The following RALYL variants were observed in gnomAD, a reference collection of about 807,000 sequenced individuals.
The protein encoded by RALYL is RALY RNA binding protein like, also known as RNA-binding Raly-like protein.
RALYL carries 29 observed loss-of-function variants against 35.1 expected under a neutral mutation model. The observed-to-expected ratio is 0.83, with a 90% CI of 0.61 to 1.13. The LOEUF (loss-of-function observed/expected upper bound fraction) is 1.13, where lower values mean the gene tolerates loss of function less well. Among genes scored for constraint, RALYL ranks in the 50% most tolerant of loss-of-function variants. The probability of loss-of-function intolerance (pLI) is 0.00; values close to 1 mark genes in which losing one functional copy is unlikely to be tolerated. For synonymous variants in RALYL, 120 were observed against 127.6 expected (o/e 0.94, Z 0.40); for missense variants, 359 against 360.4 (o/e 1.00, Z 0.03).
rs192766915 is a variant in RALYL at position 84,504,967 on chromosome 8, A to T, written c.-23-24332A>T. ...ATTTTTCTCAACATGTAAGTCACCA[A>T]TGGGGAAGAATTTAAACCATCCATC... On this transcript the variant is annotated intron_variant, in intron 1 of 8. Coordinates refer to ENST00000521268, the MANE Select transcript of RALYL (RefSeq NM_173848.7). 2.0e-5 allele frequency among the ~76,000 whole-genome samples: 3 copies of T among 152,240 alleles called. No individual in the cohort carries two copies. In the East Asian group the frequency reaches 5.8e-4, roughly 29 times the overall value.
At chr8:84,655,026 A>G (rs79653799) in intron 2 of RALYL, among the ~76,000 whole-genome samples, 8 of 152,074 alleles carry the variant, frequency 5.3e-5, no homozygotes, top group Admixed American at 2.6e-4. Flanking sequence ...ACTGTTCTTC[A>G]TAGTGGATTG....
rs151126388 is a variant in RALYL, at chr8:84,495,157, T to C, written c.-23-34142T>C. The stretch of plus-strand genomic sequence containing the variant: ...TTTTCTGCATCTATTGAGATAATCA[T>C]GTGGTTTTTGTCATTGATTGATATA... On this transcript the variant is annotated intron_variant, in intron 1 of 8. Coordinates refer to ENST00000521268, the MANE Select transcript of RALYL (RefSeq NM_173848.7). Among the ~76,000 whole-genome samples the C allele has an allele frequency of 6.7e-3, 1,026 of 152,234 alleles. 10 individuals carry two copies. Among genetic ancestry groups the C allele is most frequent in the African/African-American group, 0.023 (967 of 41,558 alleles).
In RALYL at chr8:84,801,122, G is replaced by A. The variant is rs879459880; in HGVS notation, c.333-3648G>A. On this transcript the variant is annotated intron_variant, in intron 3 of 8. Coordinates refer to ENST00000521268, the MANE Select transcript of RALYL (RefSeq NM_173848.7). ...TTCAAAGCAGAGCATCATTCAACAC[G>A]GGCCAGTTGTCTCTCCACTCTACAG... is the stretch of plus-strand genomic sequence containing the variant. Among the ~76,000 whole-genome samples, 5 of 152,062 alleles carry A rather than the reference G, an allele frequency of 3.3e-5. No individual in the cohort carries two copies. The East Asian group carries it at 5.8e-4, about 18-fold the overall frequency.
intron 3 of RALYL, among the ~76,000 whole-genome samples, chr8:84,804,150 T>C (rs1824035299): frequency 1.3e-5 from 2 of 152,174 alleles, no homozygotes; most frequent in South Asian, 4.1e-4. Flanking sequence ...AAACACAGAA[T>C]ATGTTTTAAA....
chr8:84,317,125 C>A (rs1447541642), intron 1 of RALYL, among the ~76,000 whole-genome samples: 1 of 152,128 alleles, frequency 6.6e-6, no homozygotes, highest in Non-Finnish European at 1.5e-5. Flanking sequence ...AAAACTTGCA[C>A]TACATATTAT....
intron 2 of RALYL, among the ~76,000 whole-genome samples, chr8:84,545,507 G>C (rs543097817): frequency 8.6e-4 from 131 of 151,930 alleles, no homozygotes; most frequent in Admixed American, 2.0e-3. Flanking sequence ...AAACATAAAG[G>C]GTTGACAACT....
chr8:84,709,333 G>A (rs184095567), intron 2 of RALYL, among the ~76,000 whole-genome samples: 9 of 152,110 alleles, frequency 5.9e-5, no homozygotes, highest in African/African-American at 1.9e-4. Context: ...ATCCTTGGGT[G>A]CCCATGGAGT....
intron 1 of RALYL, among the ~76,000 whole-genome samples, chr8:84,184,677 C>T (rs1320048079): frequency 6.6e-6 from 1 of 152,016 alleles, no homozygotes; most frequent in Non-Finnish European, 1.5e-5. Context: ...CGGTGAGCTG[C>T]GCCCAGGTCG....
At chr8:84,684,202 T>A (rs1438880991) in intron 2 of RALYL, among the ~76,000 whole-genome samples, 3 of 152,148 alleles carry the variant, frequency 2.0e-5, no homozygotes, top group Non-Finnish European at 4.4e-5. Context: ...TAATAACCAC[T>A]TCACAAAAAA....
At chr8:84,262,812 G>C (rs80258220) in intron 1 of RALYL, among the ~76,000 whole-genome samples, 5,487 of 152,170 alleles carry the variant, frequency 0.036, 124 homozygotes, top group East Asian at 0.12. Flanking sequence ...AGAATACATA[G>C]GTGTGCAGTA....
At chr8:84,553,573 C>T (rs1454411991) in intron 2 of RALYL, among the ~76,000 whole-genome samples, 7 of 152,152 alleles carry the variant, frequency 4.6e-5, no homozygotes, top group South Asian at 2.1e-4. Flanking sequence ...TCAAACGAGA[C>T]ATGTTTTGGG....
intron 1 of RALYL, among the ~76,000 whole-genome samples, chr8:84,216,177 T>C (rs1047955522): frequency 3.3e-5 from 5 of 152,124 alleles, no homozygotes; most frequent in Non-Finnish European, 7.4e-5. Flanking sequence ...TTTCAGATCC[T>C]AATTTTGAGA....
At chr8:84,372,886 G>GTTTTTTTTTTTTTGTTTTTTTTTTTTT (rs1856071710) in intron 1 of RALYL, among the ~76,000 whole-genome samples, 2 of 39,064 alleles carry the variant, frequency 5.1e-5, no homozygotes, top group African/African-American at 1.1e-4. Context: ...GCCAGCATCT[G>GTTTTTTTTTTTTTGTTTTTTTTTTTTT]TTTTTTTTTT....
intron 2 of RALYL, among the ~76,000 whole-genome samples, chr8:84,765,425 G>A (rs148324278): frequency 6.0e-4 from 91 of 152,270 alleles, no homozygotes; most frequent in Admixed American, 1.3e-3. Context: ...CTGGTTCAAT[G>A]CTTGGCACGT....
intron 1 of RALYL, among the ~76,000 whole-genome samples, chr8:84,256,641 T>C (rs536786217): frequency 6.6e-6 from 1 of 152,220 alleles, no homozygotes; most frequent in East Asian, 1.9e-4. Flanking sequence ...GGCAATGTTA[T>C]TTATTGACTT....
At chr8:84,718,045 T>C (rs1166541322) in intron 2 of RALYL, among the ~76,000 whole-genome samples, 1 of 152,190 alleles carries the variant, frequency 6.6e-6, no homozygotes, top group African/African-American at 2.4e-5. Flanking sequence ...AGAAAAATTA[T>C]AAACTCCCCT....
chr8:84,899,834 A>G (rs1242070124), intron 8 of RALYL, among the ~76,000 whole-genome samples: 8 of 152,220 alleles, frequency 5.3e-5, no homozygotes, highest in African/African-American at 1.9e-4. Flanking sequence ...AAACCAGAAA[A>G]TAAGACTTCC....
intron 1 of RALYL, among the ~76,000 whole-genome samples, chr8:84,467,383 C>T (rs1392182000): frequency 6.6e-6 from 1 of 151,772 alleles, no homozygotes; most frequent in East Asian, 1.9e-4. Flanking sequence ...TTTATTTCTG[C>T]CTTCATTTCG....
intron 2 of RALYL, among the ~76,000 whole-genome samples, chr8:84,539,864 ATATATATATATATGTATATATATG>A (rs761431525): frequency 0.58 from 57,253 of 99,016 alleles, 12,301 homozygotes; most frequent in East Asian, 0.62. Flanking sequence ...GTATATATAT[ATATATATATATATGTATATATATG>A]TGTGTGTGTG....
Sources: allele counts gnomAD v4.1 joint callset (sites outside exome capture counted in the v4.1 genomes callset), GRCh38; gene constraint gnomAD v4.1.1; transcripts MANE v1.5; gene names NCBI Gene and HGNC (gene_info 2026-07-23, HGNC 2026-07-21).